COBLL1: variants seen among roughly 807,000 people sequenced by gnomAD.
COBLL1 encodes the protein cordon-bleu WH2 repeat protein like 1.
A neutral mutation model predicts 94.8 loss-of-function variants in COBLL1; 50 were observed. The observed-to-expected ratio is 0.53, with a 90% CI of 0.42 to 0.67. The LOEUF (loss-of-function observed/expected upper bound fraction) is 0.67, where lower values mean the gene tolerates loss of function less well. Ranked by LOEUF, COBLL1 falls within the 30% of genes least tolerant of loss-of-function variation. The probability of loss-of-function intolerance (pLI) is 0.00; values close to 1 mark genes in which losing one functional copy is unlikely to be tolerated. For missense variants in COBLL1, 1,362 were observed against 1,348.7 expected, an observed-to-expected ratio of 1.01 and a Z score of -0.15; for synonymous variants, 448 against 473.8, an observed-to-expected ratio of 0.95 and a Z score of 0.71.
rs898531306 is a variant in COBLL1, at chr2:164,829,263, C to T, written c.41+11893G>A. Among the ~76,000 whole-genome samples, 10 of 152,048 alleles carry T rather than the reference C, an allele frequency of 6.6e-5. 1 individual carries two copies. Among genetic ancestry groups the T allele is most frequent in the African/African-American group, 2.4e-4 (10 of 41,418 alleles). On this transcript the variant is annotated intron_variant, in intron 2 of 13. Coordinates refer to ENST00000652658, the MANE Select transcript of COBLL1 (RefSeq NM_001365672.2). Reference sequence around the variant, plus strand: ...CACAGAAGTGCTCCACAAACAGTACCCGAGTTACAAAGTGAATACAAGCGA... The same window carrying T: ...CACAGAAGTGCTCCACAAACAGTACTCGAGTTACAAAGTGAATACAAGCGA...
At chr2:164,714,859 T>C (rs930230148) in intron 7 of COBLL1, among the ~76,000 whole-genome samples, 2 of 152,170 alleles carry the variant, frequency 1.3e-5, no homozygotes. Flanking sequence ...AGCATGTTAT[T>C]TTAGAGAGGT....
In COBLL1 at chr2:164,841,015, C is replaced by T. The variant is rs1683572937; in HGVS notation, c.41+141G>A. 7 of 959,242 alleles carry T rather than the reference C, an allele frequency of 7.3e-6. No individual in the cohort carries two copies. The East Asian group carries it at 2.0e-4, about 28-fold the overall frequency. 59.4% of individuals were successfully genotyped at this position (959,242 alleles called of 1,614,324 possible). ...CGAGAAGGCCGGGAGGAAGCAGCCT[C>T]CCCGGCCGCGTGGAGGACAGTCAGT... is the stretch of plus-strand genomic sequence containing the variant. On this transcript the variant is annotated intron_variant, in intron 2 of 13. Coordinates refer to ENST00000652658, the MANE Select transcript of COBLL1 (RefSeq NM_001365672.2). The surrounding 1 kb of genome is among the most constrained non-coding windows in gnomAD (Gnocchi z 5.5).
At chr2:164,687,213 C>CTTT (rs879090827) in intron 13 of COBLL1, 29 of 342,984 alleles carry the variant, frequency 8.5e-5, no homozygotes, top group South Asian at 3.7e-4. Flanking sequence ...GACTTTCTTT[C>CTTT]TTTTTTTTTT....
intron 3 of COBLL1, among the ~76,000 whole-genome samples, chr2:164,731,615 G>A (rs1433777041): frequency 4.6e-5 from 7 of 152,258 alleles, no homozygotes; most frequent in Non-Finnish European, 7.3e-5. Context: ...TGTGTACATC[G>A]TATTTTTACA....
intron 2 of COBLL1, among the ~76,000 whole-genome samples, chr2:164,817,958 T>C (rs969120045): frequency 3.9e-5 from 6 of 152,122 alleles, no homozygotes; most frequent in Non-Finnish European, 7.4e-5. Context: ...ACAAATTACA[T>C]CATTTAATTT....
intron 7 of COBLL1, among the ~76,000 whole-genome samples, chr2:164,715,629 G>T (rs1003153007): frequency 6.6e-6 from 1 of 151,748 alleles, no homozygotes; most frequent in African/African-American, 2.4e-5. Context: ...ATATATATTA[G>T]AATATAAAAT....
chr2:164,701,378 T>C (rs1042394969), intron 9 of COBLL1, among the ~76,000 whole-genome samples: 2 of 152,180 alleles, frequency 1.3e-5, no homozygotes, highest in African/African-American at 4.8e-5. Context: ...TTTGTGAAAA[T>C]ACAAATAGAG....
intron 2 of COBLL1, among the ~76,000 whole-genome samples, chr2:164,839,633 T>C (rs1356788303): frequency 6.6e-6 from 1 of 152,242 alleles, no homozygotes; most frequent in East Asian, 1.9e-4. Flanking sequence ...TTAAAGTACC[T>C]TAACCTAATC....
intron 2 of COBLL1, among the ~76,000 whole-genome samples, chr2:164,823,072 G>C (rs1332367969): frequency 2.0e-5 from 3 of 152,096 alleles, no homozygotes; most frequent in African/African-American, 7.2e-5. Flanking sequence ...TGCATAATAA[G>C]TGGCATTTCA....
chr2:164,826,701 G>T (rs1331048635), intron 2 of COBLL1, among the ~76,000 whole-genome samples: 1 of 152,124 alleles, frequency 6.6e-6, no homozygotes, highest in Non-Finnish European at 1.5e-5. Flanking sequence ...CTGACTTCCT[G>T]CTGGACCAGT....
In COBLL1 at chr2:164,818,815, A is replaced by G. The variant is rs187665551; in HGVS notation, c.41+22341T>C. 9.7e-3 allele frequency among the ~76,000 whole-genome samples: 1,438 copies of G among 147,814 alleles called. 13 individuals are homozygous for G. Among genetic ancestry groups the G allele is most frequent in the Middle Eastern group, 0.045 (13 of 288 alleles). On this transcript the variant is annotated intron_variant, in intron 2 of 13. Transcript: ENST00000652658. The stretch of plus-strand genomic sequence containing the variant: ...TTTTTTTTCGAGATCTTGCTCTGTC[A>G]CTCGGTGCTGTGGTGCAATCATAGT...
chr2:164,700,330 T>C (rs564656379), intron 10 of COBLL1, among the ~76,000 whole-genome samples, 192 bp downstream of exon 10: 1 of 152,312 alleles, frequency 6.6e-6, no homozygotes, highest in African/African-American at 2.4e-5. Context: ...ACTGTCACAT[T>C]TGATTTTCTT....
At chr2:164,704,589 T>C (rs1460713128) in intron 8 of COBLL1, 71 bp from the exon 9 acceptor site, 1 of 1,249,814 alleles carries the variant, frequency 8.0e-7, no homozygotes, top group African/African-American at 1.5e-5. Flanking sequence ...CAGTTTAACT[T>C]AGTTATATAG....
intron 2 of COBLL1, among the ~76,000 whole-genome samples, chr2:164,797,582 C>A (rs185816513): frequency 8.5e-5 from 13 of 152,224 alleles, no homozygotes; most frequent in Non-Finnish European, 1.3e-4. Flanking sequence ...TAGGCTTTTT[C>A]AATTCCTTAT....
intron 13 of COBLL1, among the ~76,000 whole-genome samples, chr2:164,691,455 G>A (rs955837792): frequency 2.0e-5 from 3 of 152,094 alleles, no homozygotes; most frequent in Non-Finnish European, 1.5e-5. Flanking sequence ...TCTTAGATGC[G>A]GAGGTGCTTC....
chr2:164,748,579 T>A (rs1686981608), intron 2 of COBLL1, among the ~76,000 whole-genome samples: 1 of 152,298 alleles, frequency 6.6e-6, no homozygotes, highest in South Asian at 2.1e-4. Context: ...TGAAGCCTCC[T>A]CACCCCTTTT....
chr2:164,802,240 A>G (rs950844345), intron 2 of COBLL1, among the ~76,000 whole-genome samples: 1 of 152,220 alleles, frequency 6.6e-6, no homozygotes, highest in African/African-American at 2.4e-5. Context: ...AAATGTTTCC[A>G]CTTTGTAAAC....
intron 9 of COBLL1, among the ~76,000 whole-genome samples, chr2:164,701,512 C>CAT (rs1226722940): frequency 1.3e-5 from 2 of 152,144 alleles, no homozygotes; most frequent in African/African-American, 4.8e-5. Flanking sequence ...GGCTGATAAC[C>CAT]ATACTCACGT....
rs140147353 is a variant in COBLL1, at chr2:164,704,795, CA to C, written c.1150+156del. Among the ~76,000 whole-genome samples, 573 of 152,216 alleles carry C rather than the reference CA, an allele frequency of 3.8e-3. 2 individuals are homozygous for C. Among genetic ancestry groups the C allele is most frequent in the African/African-American group, 0.013 (535 of 41,528 alleles). ...TTTGACACTTTATTTGGTGATGTTT[CA>C]GATTTTTAAACGGCAGCAAAGTGAG... is the stretch of plus-strand genomic sequence containing the variant. On this transcript the variant is annotated intron_variant, in intron 8 of 13. Transcript: ENST00000652658.
Sources: gnomAD v4.1 joint callset for allele counts (sites outside exome capture counted in the v4.1 genomes callset) on GRCh38, gnomAD v4.1.1 for gene constraint, Gnocchi (gnomAD v3.1) non-coding constraint, MANE v1.5 for transcripts, NCBI Gene and HGNC (gene_info 2026-07-23, HGNC 2026-07-21) for gene names.